The following TMEM117 variants were observed in gnomAD, a reference collection of about 807,000 sequenced individuals.
The protein encoded by TMEM117 is transmembrane protein 117.
A neutral mutation model predicts 52.4 loss-of-function variants in TMEM117; 27 were observed. The observed-to-expected ratio is 0.51, with a 90% CI of 0.38 to 0.71. TMEM117 has a LOEUF of 0.71. Ranked by LOEUF, TMEM117 falls within the 30% of genes least tolerant of loss-of-function variation. The probability of loss-of-function intolerance (pLI) is 0.00; values close to 1 mark genes in which losing one functional copy is unlikely to be tolerated. For missense variants in TMEM117, 556 were observed against 630.5 expected (o/e 0.88, Z 1.26); for synonymous variants, 215 against 206.3 (o/e 1.04, Z -0.36).
At chr12:44,283,391 G>A (rs1327160311) in intron 5 of TMEM117, among the ~76,000 whole-genome samples, 1 of 152,152 alleles carries the variant, frequency 6.6e-6, no homozygotes, top group Non-Finnish European at 1.5e-5. Flanking sequence ...AAAGTCACAG[G>A]GGCGGAGCTG....
chr12:44,024,272 T>A (rs1296761500), intron 3 of TMEM117, among the ~76,000 whole-genome samples: 2 of 152,226 alleles, frequency 1.3e-5, no homozygotes, highest in Admixed American at 1.3e-4. Flanking sequence ...GATTATATGC[T>A]GAGCAGCAGA....
the TMEM117 span, among the ~76,000 whole-genome samples, chr12:44,397,512 C>T: frequency 6.6e-6 from 1 of 152,144 alleles, no homozygotes; most frequent in African/African-American, 2.4e-5. Context: ...CTGAAAGCCA[C>T]AACTGGAAAA....
chr12:44,276,890 T>TTG (rs1393191637), intron 5 of TMEM117, among the ~76,000 whole-genome samples: 482 of 145,268 alleles, frequency 3.3e-3, no homozygotes, highest in South Asian at 0.018. Context: ...CATGAAAAGT[T>TTG]TGTGTGTGTG....
rs568197555 is a variant in TMEM117, at chr12:44,151,865, T to G, written c.510+8241T>G. On this transcript the variant is annotated intron_variant, in intron 4 of 7. Coordinates refer to ENST00000266534, the MANE Select transcript of TMEM117 (RefSeq NM_032256.3). Reference sequence around the variant, plus strand: ...TATATATAATATATAATATTATATTTAATATATTATATATTATAATATATA... The same window carrying G: ...TATATATAATATATAATATTATATTGAATATATTATATATTATAATATATA... Among the ~76,000 whole-genome samples, 4 of 136,396 alleles carry G rather than the reference T, an allele frequency of 2.9e-5. No individual in the cohort carries two copies. In the South Asian group the frequency reaches 8.6e-4, roughly 29 times the overall value. The allele number at this position is 136,396 out of a possible 152,430, so 89.5% of individuals were successfully genotyped here. A position where few individuals can be genotyped will look rare whatever the true frequency, so the allele number is the denominator to read the frequency against.
chr12:44,336,245 A>AT (rs1470057584), intron 6 of TMEM117, among the ~76,000 whole-genome samples: 12 of 152,142 alleles, frequency 7.9e-5, no homozygotes, highest in African/African-American at 2.9e-4. Flanking sequence ...TGTAAGCCTT[A>AT]TTGTCTTTAT....
At chr12:44,169,628 C>T (rs1592576023) in intron 4 of TMEM117, among the ~76,000 whole-genome samples, 1 of 152,294 alleles carries the variant, frequency 6.6e-6, no homozygotes, top group African/African-American at 2.4e-5. Context: ...CAAAAAATTT[C>T]TTCCATTCCA....
At chr12:43,869,442 G>T (rs566377255) in intron 2 of TMEM117, among the ~76,000 whole-genome samples, 1 of 152,128 alleles carries the variant, frequency 6.6e-6, no homozygotes, top group Non-Finnish European at 1.5e-5. Flanking sequence ...AAAATTTCAG[G>T]AATGTTTATT....
chr12:44,345,143 C>T (rs947568353), intron 6 of TMEM117, among the ~76,000 whole-genome samples: 1 of 152,008 alleles, frequency 6.6e-6, no homozygotes, highest in Non-Finnish European at 1.5e-5. Flanking sequence ...AGGAGTAGGG[C>T]TCCTTTGGTG....
intron 2 of TMEM117, among the ~76,000 whole-genome samples, chr12:43,931,684 ACTT>A (rs1408391968): frequency 6.6e-5 from 10 of 152,178 alleles, no homozygotes; most frequent in African/African-American, 2.4e-4. Flanking sequence ...TCATGGTAGC[ACTT>A]CTTTTTGAGT....
At chr12:43,979,719 T>C (rs939228873) in intron 3 of TMEM117, among the ~76,000 whole-genome samples, 1 of 152,156 alleles carries the variant, frequency 6.6e-6, no homozygotes, top group Non-Finnish European at 1.5e-5. Context: ...CTTTTGGGAA[T>C]GACAAAAATG....
intron 2 of TMEM117, among the ~76,000 whole-genome samples, chr12:43,854,343 A>G (rs1015855104): frequency 4.6e-5 from 7 of 152,062 alleles, no homozygotes; most frequent in Admixed American, 2.6e-4. Context: ...ATGTGAGGCG[A>G]TGTGAAACCT....
chr12:43,804,789 T>C, the TMEM117 span, among the ~76,000 whole-genome samples: 2 of 152,364 alleles, frequency 1.3e-5, no homozygotes, highest in Non-Finnish European at 2.9e-5. Flanking sequence ...ATAATTCTAA[T>C]CTGTTTTAGC....
At chr12:43,805,685 C>T in the TMEM117 span, 5 of 795,698 alleles carry the variant, frequency 6.3e-6, no homozygotes, top group African/African-American at 3.5e-5. Context: ...TTTCTCAGAA[C>T]ATAACTCTCA....
intron 5 of TMEM117, among the ~76,000 whole-genome samples, chr12:44,250,377 T>A (rs186155885): frequency 7.9e-5 from 12 of 152,276 alleles, no homozygotes; most frequent in African/African-American, 2.6e-4. Flanking sequence ...GGAACGCTTT[T>A]ACACTGCTGA....
At chr12:44,221,201 C>A (rs1211266002) in intron 5 of TMEM117, among the ~76,000 whole-genome samples, 1 of 152,000 alleles carries the variant, frequency 6.6e-6, no homozygotes, top group Non-Finnish European at 1.5e-5. Flanking sequence ...AATGCTGTAC[C>A]ATTATAAATA....
intron 6 of TMEM117, among the ~76,000 whole-genome samples, chr12:44,342,901 G>A (rs1951436235): frequency 1.3e-5 from 2 of 152,020 alleles, no homozygotes; most frequent in Admixed American, 6.6e-5. Context: ...GTCTCACTCT[G>A]TTGCCCAGAC....
At chr12:43,959,536 TTTTTCC>T (rs1265818962) in intron 3 of TMEM117, among the ~76,000 whole-genome samples, 4 of 152,176 alleles carry the variant, frequency 2.6e-5, no homozygotes, top group Non-Finnish European at 4.4e-5. Flanking sequence ...TACACAAACT[TTTTTCC>T]TTTTCTAGTC....
chr12:43,846,594 A>G (rs1477126310), intron 2 of TMEM117, among the ~76,000 whole-genome samples: 1 of 152,194 alleles, frequency 6.6e-6, no homozygotes, highest in Non-Finnish European at 1.5e-5. Context: ...CAAGCAGGCA[A>G]GGTCTTTGCC....
At chr12:43,905,434 TGG>T (rs1163878804) in intron 2 of TMEM117, among the ~76,000 whole-genome samples, 1 of 152,220 alleles carries the variant, frequency 6.6e-6, no homozygotes, top group Non-Finnish European at 1.5e-5. Context: ...CTTCTTCTCC[TGG>T]CAGACACCGT....
Sources: allele counts gnomAD v4.1 joint callset (sites outside exome capture counted in the v4.1 genomes callset), GRCh38; gene constraint gnomAD v4.1.1; transcripts MANE v1.5; gene names NCBI Gene and HGNC (gene_info 2026-07-23, HGNC 2026-07-21).